Variants in PKP1 observed in about 807,000 individuals in gnomAD.
The protein encoded by PKP1 is plakophilin 1, also known as plakophilin-1.
A neutral mutation model predicts 76.4 loss-of-function variants in PKP1; 27 were observed. The ratio of observed to expected loss-of-function variants is 0.35; its 90% CI spans 0.26 to 0.49. PKP1 has a LOEUF of 0.49. Among genes scored for constraint, PKP1 ranks in the 20% least tolerant of loss-of-function variants. PKP1 has a pLI of 0.99. For synonymous variants in PKP1, 404 were observed against 384.2 expected (o/e 1.05, Z -0.60); for missense variants, 964 against 955.2 (o/e 1.01, Z -0.12).
Position 201,322,122 on chromosome 1 carries a change from G to C in PKP1, c.1492G>C (p.Asp498His). 6.2e-7 allele frequency: 1 copy of C among 1,611,348 alleles called. No individual in the cohort carries two copies. Among genetic ancestry groups the C allele is most frequent in the South Asian group, 1.1e-5 (1 of 91,060 alleles). ...CACTGGCTGCTTCAGCAACAAGAGC[G>C]ACAAGATGATGGTGAGCACAGCATC... ...SSTGCFSNKS[D>H]KMMNNNYDCP... Residue 498 changes from aspartate (D) to histidine (H), a missense_variant, in exon 8 of 14, where the codon GAC becomes CAC. Coordinates refer to ENST00000367324, the MANE Select transcript of PKP1 (RefSeq NM_001005337.3).
chr1:201,291,752 A>G (rs779809087), intron 1 of PKP1, among the ~76,000 whole-genome samples: 2 of 152,222 alleles, frequency 1.3e-5, no homozygotes, highest in Non-Finnish European at 2.9e-5. Context: ...AATGAACTCT[A>G]TCCTATCAAA....
rs61671486 is a variant in PKP1 at position 201,293,527 on chromosome 1, C to A, written c.203-415C>A. Among the ~76,000 whole-genome samples, 173 of 152,318 alleles carry A rather than the reference C, an allele frequency of 1.1e-3. No homozygotes were observed. In the East Asian group the frequency reaches 0.028, roughly 25 times the overall value. ...TCTCTAATCAGCTGTTGCTGCTGGA[C>A]TGGGAATGTCGGAATCCTGCCTGTC... On this transcript the variant is annotated intron_variant, in intron 1 of 13. Coordinates refer to ENST00000367324, the MANE Select transcript of PKP1 (RefSeq NM_001005337.3).
intron 9 of PKP1, among the ~76,000 whole-genome samples, chr1:201,323,502 G>A (rs992586205): frequency 6.6e-6 from 1 of 152,164 alleles, no homozygotes; most frequent in Non-Finnish European, 1.5e-5. Flanking sequence ...GGAATGCGGC[G>A]GAGAAGGTGT....
chr1:201,293,145 G>A (rs1471635525), intron 1 of PKP1, among the ~76,000 whole-genome samples: 2 of 152,216 alleles, frequency 1.3e-5, no homozygotes, highest in Non-Finnish European at 2.9e-5. Flanking sequence ...CAGCAGGACA[G>A]TGAACAGACC....
chr1:201,322,732 C>G (rs1159589176), intron 8 of PKP1, among the ~76,000 whole-genome samples: 1 of 152,194 alleles, frequency 6.6e-6, no homozygotes, highest in African/African-American at 2.4e-5. Flanking sequence ...CAAGGCTGCC[C>G]TGGAACACAG....
chr1:201,326,418 TAC>T (rs1208179823), intron 12 of PKP1, among the ~76,000 whole-genome samples: 1 of 152,224 alleles, frequency 6.6e-6, no homozygotes, highest in South Asian at 2.1e-4. Context: ...GCTAGCCAGG[TAC>T]AGAGTCCTCT....
intron 2 of PKP1, among the ~76,000 whole-genome samples, chr1:201,304,938 C>T (rs892780712): frequency 6.6e-6 from 1 of 152,238 alleles, no homozygotes; most frequent in Non-Finnish European, 1.5e-5. Flanking sequence ...CATTGGCCAG[C>T]TGGGAGATAA....
At chr1:201,327,208 A>G (rs1657151428) in intron 12 of PKP1, among the ~76,000 whole-genome samples, 1 of 152,234 alleles carries the variant, frequency 6.6e-6, no homozygotes, top group Admixed American at 6.5e-5. Context: ...TTAAAGACAG[A>G]GGAGACTCAA....
At chr1:201,283,988 C>A in intron 1 of PKP1, 84 bp downstream of exon 1, 3 of 1,277,010 alleles carry the variant, frequency 2.3e-6, no homozygotes, top group Non-Finnish European at 3.4e-6. Flanking sequence ...ACGCACGCAT[C>A]CCCGGGGATG....
intron 2 of PKP1, among the ~76,000 whole-genome samples, chr1:201,296,569 G>C (rs1330098025): frequency 6.6e-6 from 1 of 152,222 alleles, no homozygotes; most frequent in Non-Finnish European, 1.5e-5. Context: ...CAGCCAACTT[G>C]TATTGAGCAA....
intron 1 of PKP1, among the ~76,000 whole-genome samples, chr1:201,284,786 C>CG (rs1365791745): frequency 6.6e-6 from 1 of 152,156 alleles, no homozygotes; most frequent in African/African-American, 2.4e-5. Flanking sequence ...GAAATCCCCC[C>CG]GGGCCCCAGG....
At chr1:201,329,342 A>G (rs963052199) in intron 13 of PKP1, among the ~76,000 whole-genome samples, 1 of 152,210 alleles carries the variant, frequency 6.6e-6, no homozygotes, top group Non-Finnish European at 1.5e-5. Flanking sequence ...AAAACTCAGA[A>G]CCAATCCTAT....
intron 2 of PKP1, among the ~76,000 whole-genome samples, chr1:201,295,735 A>G (rs1656052142): frequency 6.6e-5 from 10 of 152,204 alleles, no homozygotes. Flanking sequence ...TCTCATCCAT[A>G]AAAAGGGAAT....
intron 2 of PKP1, among the ~76,000 whole-genome samples, chr1:201,309,760 C>G (rs141867633): frequency 1.2e-4 from 18 of 152,300 alleles, no homozygotes; most frequent in Middle Eastern, 3.4e-3. Context: ...TGTTTGGAAA[C>G]GTGTGGGGAC....
At chr1:201,295,714 G>A (rs547168248) in intron 2 of PKP1, among the ~76,000 whole-genome samples, 2 of 152,154 alleles carry the variant, frequency 1.3e-5, no homozygotes, top group African/African-American at 4.8e-5. Flanking sequence ...AATTTCTCTG[G>A]GCCTCAGTTT....
At chr1:201,285,448 C>A (rs182999815) in intron 1 of PKP1, among the ~76,000 whole-genome samples, 1 of 152,170 alleles carries the variant, frequency 6.6e-6, no homozygotes, top group African/African-American at 2.4e-5. Flanking sequence ...AGGCTCCTCT[C>A]GTCACATTTC....
At chr1:201,312,943 T>C (rs1656603323) in intron 2 of PKP1, among the ~76,000 whole-genome samples, 1 of 152,232 alleles carries the variant, frequency 6.6e-6, no homozygotes, top group African/African-American at 2.4e-5. Flanking sequence ...TTAAAAATGA[T>C]GGCCATAGTC....
At chr1:201,304,431 T>C (rs1380016622) in intron 2 of PKP1, among the ~76,000 whole-genome samples, 1 of 152,224 alleles carries the variant, frequency 6.6e-6, no homozygotes, top group Non-Finnish European at 1.5e-5. Flanking sequence ...CTCATGGTCC[T>C]GGCCAGGACA....
chr1:201,318,889 A>G (rs1417604611), intron 6 of PKP1, 94 bp downstream of exon 6: 12 of 1,031,910 alleles, frequency 1.2e-5, no homozygotes, highest in Non-Finnish European at 1.8e-5. Context: ...GGTGCATAGA[A>G]CATAACAGAC....
Sources: gnomAD v4.1 joint callset for allele counts (sites outside exome capture counted in the v4.1 genomes callset) on GRCh38, gnomAD v4.1.1 for gene constraint, MANE v1.5 for transcripts, NCBI Gene and HGNC (gene_info 2026-07-23, HGNC 2026-07-21) for gene names.